NEK10: variants seen among roughly 807,000 people sequenced by gnomAD.
NEK10 encodes serine/threonine-protein kinase Nek10.
NEK10 carries 122 observed loss-of-function variants against 159.8 expected under a neutral mutation model. The ratio of observed to expected loss-of-function variants is 0.76; its 90% CI spans 0.66 to 0.89. NEK10 has a LOEUF of 0.89. NEK10 is among the 40% of genes least tolerant of loss of function. The probability of loss-of-function intolerance (pLI) is 0.00; values close to 1 mark genes in which losing one functional copy is unlikely to be tolerated. For synonymous variants in NEK10, 466 were observed against 457.1 expected (o/e 1.02, Z -0.25); for missense variants, 1,342 against 1,323.1 (o/e 1.01, Z -0.22).
intron 30 of NEK10, among the ~76,000 whole-genome samples, chr3:27,151,443 A>T (rs1944861723): frequency 6.6e-6 from 1 of 152,164 alleles, no homozygotes; most frequent in African/African-American, 2.4e-5. Context: ...GGCCACATCC[A>T]TAGGAAAAGG....
intron 22 of NEK10, chr3:27,278,687 T>C: frequency 1.0e-6 from 1 of 983,688 alleles, no homozygotes; most frequent in Non-Finnish European, 1.2e-6. Flanking sequence ...TTTTTTCTTT[T>C]CCTTTTTTAT....
At chr3:27,204,331 TAA>T (rs1950331511) in intron 23 of NEK10, among the ~76,000 whole-genome samples, 2 of 124,972 alleles carry the variant, frequency 1.6e-5, no homozygotes, top group Non-Finnish European at 1.6e-5. Flanking sequence ...TATTATACTT[TAA>T]GTTTTAGGGT....
At chr3:27,206,373 TA>T (rs989769661) in intron 23 of NEK10, among the ~76,000 whole-genome samples, 27 of 152,208 alleles carry the variant, frequency 1.8e-4, no homozygotes, top group African/African-American at 6.0e-4. Flanking sequence ...AACTTAAAAG[TA>T]AATGATGTTG....
intron 26 of NEK10, among the ~76,000 whole-genome samples, chr3:27,188,106 T>C (rs1173607481): frequency 3.3e-5 from 5 of 152,200 alleles, no homozygotes; most frequent in Non-Finnish European, 4.4e-5. Flanking sequence ...TTCTTAGTAT[T>C]AAGTGAGCTG....
intron 23 of NEK10, among the ~76,000 whole-genome samples, chr3:27,249,143 T>C (rs1955403920): frequency 6.6e-6 from 1 of 152,206 alleles, no homozygotes; most frequent in South Asian, 2.1e-4. Context: ...TGTTTGGTAG[T>C]TCCTCCTGCA....
At chr3:27,231,666 A>G (rs2149211572) in intron 23 of NEK10, among the ~76,000 whole-genome samples, 1 of 152,186 alleles carries the variant, frequency 6.6e-6, no homozygotes, top group African/African-American at 2.4e-5. Context: ...TGGAGACATT[A>G]CAACCAATAC....
At position 27,202,465 on chromosome 3, in the gene NEK10, G is replaced by T. The variant is rs756181179; in HGVS notation, c.2183C>A (p.Pro728His). The T allele has an allele frequency of 1.2e-6, 2 of 1,613,678 alleles. No individual in the cohort carries two copies. The change falls in exon 24 of 36, where the codon CCC (proline) becomes CAC (histidine). Residue 728 changes from proline to histidine, a missense_variant. Physicochemically the swap from Pro to His is moderately conservative, Grantham distance 77 (BLOSUM62 -2). Coordinates refer to ENST00000691995, the MANE Select transcript of NEK10 (RefSeq NM_001394966.1). The stretch of plus-strand genomic sequence containing the variant: ...GGACAGCATGTTAGTGCTGTAGAAG[G>T]GGGGACTCAAAGTCGCCATCTGATA... Reference protein sequence around the residue: ...ILYQMATLSPPFYSTNMLSLA... With the variant: ...ILYQMATLSPHFYSTNMLSLA...
chr3:27,152,618 G>T (rs1944993455), intron 30 of NEK10, among the ~76,000 whole-genome samples: 1 of 150,942 alleles, frequency 6.6e-6, no homozygotes, highest in South Asian at 2.1e-4. Context: ...AAAAACAAAA[G>T]TACACAGGAA....
intron 30 of NEK10, among the ~76,000 whole-genome samples, chr3:27,148,020 T>C (rs1944474324): frequency 6.6e-6 from 1 of 152,134 alleles, no homozygotes; most frequent in African/African-American, 2.4e-5. Flanking sequence ...TAAAAAATAA[T>C]AAGTAGTTAT....
intron 30 of NEK10, among the ~76,000 whole-genome samples, chr3:27,145,738 C>G (rs1944235702): frequency 1.3e-5 from 2 of 151,154 alleles, no homozygotes; most frequent in African/African-American, 2.4e-5. Flanking sequence ...TAGATTCTAC[C>G]CCCATTTTAC....
At chr3:27,314,601 C>T (rs2045004684) in intron 6 of NEK10, among the ~76,000 whole-genome samples, 1 of 152,136 alleles carries the variant, frequency 6.6e-6, no homozygotes, top group African/African-American at 2.4e-5. Flanking sequence ...TTCTTAACTC[C>T]TCCTGTGTCA....
intron 12 of NEK10, among the ~76,000 whole-genome samples, chr3:27,302,539 C>A (rs115143145): frequency 1.3e-5 from 2 of 152,138 alleles, no homozygotes; most frequent in Admixed American, 1.3e-4. Context: ...TCATGCTCTG[C>A]TTAATGTCTT....
chr3:27,318,032 T>A (rs982905739), intron 6 of NEK10, among the ~76,000 whole-genome samples: 2 of 152,124 alleles, frequency 1.3e-5, no homozygotes, highest in African/African-American at 4.8e-5. Context: ...CTCGATCTCC[T>A]GACTTCGTGA....
At chr3:27,227,776 G>GT (rs1283534771) in intron 23 of NEK10, among the ~76,000 whole-genome samples, 1 of 152,178 alleles carries the variant, frequency 6.6e-6, no homozygotes, top group African/African-American at 2.4e-5. Flanking sequence ...TAATAAAAAT[G>GT]TTTTTCTAAT....
At chr3:27,138,433 G>T (rs942815286) in intron 31 of NEK10, among the ~76,000 whole-genome samples, 1 of 152,178 alleles carries the variant, frequency 6.6e-6, no homozygotes, top group Non-Finnish European at 1.5e-5. Context: ...CTTCGACCTA[G>T]TGTGGGAGTG....
At chr3:27,255,395 G>A (rs965653268) in intron 23 of NEK10, 2 of 243,270 alleles carry the variant, frequency 8.2e-6, no homozygotes, top group South Asian at 4.3e-5. Context: ...TGCATGAAAG[G>A]ACTTTGTAAA....
At chr3:27,183,225 T>G (rs893538424) in intron 26 of NEK10, among the ~76,000 whole-genome samples, 3 of 151,652 alleles carry the variant, frequency 2.0e-5, no homozygotes, top group African/African-American at 7.3e-5. Context: ...TCAAAATAAT[T>G]AAAACTTTAA....
Position 27,346,788 on chromosome 3 carries a change from C to G in NEK10, c.133-572G>C, listed in dbSNP as rs1429020543. Among the ~76,000 whole-genome samples the G allele has an allele frequency of 2.0e-5, 3 of 152,204 alleles. No individual in the cohort carries two copies. In the East Asian group the frequency reaches 5.8e-4, roughly 29 times the overall value. On this transcript the variant is annotated intron_variant, in intron 3 of 35. Transcript: ENST00000691995. ...TATAACAATAAAGAAGATTCTACCA[C>G]TTTTAATCAGTCTGAACATCCTGAT...
At chr3:27,174,349 A>G in intron 28 of NEK10, 90 bp downstream of exon 28, 3 of 1,593,308 alleles carry the variant, frequency 1.9e-6, no homozygotes, top group Non-Finnish European at 2.6e-6. Context: ...TGGGTTATGT[A>G]TATGGTGATA....
Sources: allele counts gnomAD v4.1 joint callset (sites outside exome capture counted in the v4.1 genomes callset), GRCh38; gene constraint gnomAD v4.1.1; transcripts MANE v1.5; gene names NCBI Gene and HGNC (gene_info 2026-07-23, HGNC 2026-07-21).